The following EYS variants were observed in gnomAD, a reference collection of about 807,000 sequenced individuals.
EYS encodes the protein protein eyes shut homolog.
Under a neutral mutation model 282.1 loss-of-function variants are expected in EYS, and 250 were observed. The ratio of observed to expected loss-of-function variants is 0.89; its 90% CI spans 0.80 to 0.98. EYS has a LOEUF of 0.98. EYS is among the 50% of genes least tolerant of loss of function. The pLI is 0.00. For missense variants in EYS, 4,016 were observed against 3,709.0 expected, an observed-to-expected ratio of 1.08 and a Z score of -2.15; for synonymous variants, 1,355 against 1,282.9, an observed-to-expected ratio of 1.06 and a Z score of -1.20.
chr6:65,513,525 G>A (rs371871315), intron 2 of EYS, among the ~76,000 whole-genome samples: 34 of 152,000 alleles, frequency 2.2e-4, no homozygotes, highest in African/African-American at 7.5e-4. Context: ...GATGAACATT[G>A]ATGCAAAAAT....
chr6:64,499,500 C>G (rs540693062), intron 26 of EYS, among the ~76,000 whole-genome samples: 3 of 152,230 alleles, frequency 2.0e-5, no homozygotes, highest in Admixed American at 1.3e-4. Context: ...CATGCCTGTG[C>G]AATTGAGTGT....
rs1392821039 is a variant in EYS at position 63,864,326 on chromosome 6, C to T, written c.7088G>A (p.Arg2363Lys). 1.3e-6 allele frequency: 2 copies of T among 1,551,316 alleles called. No individual in the cohort carries two copies. Among genetic ancestry groups the T allele is most frequent in the East Asian group, 2.4e-5 (1 of 40,900 alleles). ...CTGGCACAGCTTGCCTGAATACAGC[C>T]TTGGACACTCACAAAACAGATTTTC... Reference protein sequence around the residue: ...DNENLFCECPRLYSGKLCQFA... With the variant: ...DNENLFCECPKLYSGKLCQFA... The change falls in exon 36 of 43, where the codon AGG becomes AAG. Residue 2363 changes from arginine to lysine, a missense_variant. Transcript: ENST00000503581.
chr6:64,629,882 TTTTA>T (rs1316169573), intron 22 of EYS, among the ~76,000 whole-genome samples: 1 of 152,148 alleles, frequency 6.6e-6, no homozygotes, highest in Non-Finnish European at 1.5e-5. Flanking sequence ...TCTACATACC[TTTTA>T]TTTCTTTTCC....
At position 65,201,519 on chromosome 6, in the gene EYS, T is replaced by C. The variant is rs1042315239; in HGVS notation, c.2023+94344A>G. ...GGATGACTAAATTGAAAAATCTTTC[T>C]ACAAATAACGTGGTGAATAATGTCA... On this transcript the variant is annotated intron_variant, in intron 12 of 42. Transcript: ENST00000503581. 4.6e-5 allele frequency among the ~76,000 whole-genome samples: 7 copies of C among 152,298 alleles called. No homozygotes were observed. In the South Asian group the frequency reaches 1.4e-3, roughly 32 times the overall value.
chr6:65,229,271 C>CA (rs5876950), intron 12 of EYS, among the ~76,000 whole-genome samples: 1 of 150,966 alleles, frequency 6.6e-6, no homozygotes, highest in Non-Finnish European at 1.5e-5. Flanking sequence ...GCTAGATAAA[C>CA]AAAAAAGAAA....
intron 31 of EYS, among the ~76,000 whole-genome samples, chr6:64,104,015 G>A (rs1252447404): frequency 1.3e-5 from 2 of 152,058 alleles, no homozygotes; most frequent in Admixed American, 6.6e-5. Flanking sequence ...ATGGGAAACC[G>A]AGGATGAAGA....
intron 36 of EYS, among the ~76,000 whole-genome samples, chr6:63,841,091 G>C (rs550940659): frequency 6.6e-6 from 1 of 152,004 alleles, no homozygotes; most frequent in Admixed American, 6.6e-5. Context: ...CTGTGCTAAC[G>C]GCTCAAATTA....
rs761229979 is a variant in EYS at position 65,405,369 on chromosome 6, T to G, written c.863-2A>C. 8 of 1,517,188 alleles carry G rather than the reference T, an allele frequency of 5.3e-6. No individual in the cohort carries two copies. The Admixed American group carries it at 1.6e-4, about 30-fold the overall frequency. 94.0% of individuals were successfully genotyped at this position (1,517,188 alleles called of 1,614,324 possible). ...TTGCTGACACCTCACAGAATGGACC[T>G]TAAAAAAATCACACACAAGAAAAAA... On this transcript the variant is annotated splice_acceptor_variant, in intron 5 of 42. Coordinates refer to ENST00000503581, the MANE Select transcript of EYS (RefSeq NM_001142800.2). LOFTEE classifies it high-confidence loss of function.
chr6:65,620,381 G>C (rs947973556), intron 2 of EYS, among the ~76,000 whole-genome samples: 3 of 151,984 alleles, frequency 2.0e-5, no homozygotes, highest in Non-Finnish European at 4.4e-5. Flanking sequence ...GTTTGTATTT[G>C]TGTGGGATCG....
intron 31 of EYS, among the ~76,000 whole-genome samples, chr6:64,167,810 C>T (rs1406916151): frequency 6.6e-6 from 1 of 151,606 alleles, no homozygotes; most frequent in African/African-American, 2.4e-5. Context: ...AATATAAATC[C>T]AATAAAAATA....
intron 26 of EYS, among the ~76,000 whole-genome samples, chr6:64,589,323 C>T (rs377694902): frequency 1.4e-4 from 21 of 151,950 alleles, no homozygotes; most frequent in East Asian, 3.8e-4. Context: ...ACCTTTTAAA[C>T]GTTGGGGTAA....
chr6:64,820,132 C>G (rs968265584), intron 21 of EYS, among the ~76,000 whole-genome samples: 2 of 151,836 alleles, frequency 1.3e-5, no homozygotes, highest in Admixed American at 6.6e-5. Context: ...TACTTTATAG[C>G]TATTAAAAAG....
intron 2 of EYS, among the ~76,000 whole-genome samples, chr6:65,619,211 T>C (rs1766362665): frequency 6.6e-6 from 1 of 151,764 alleles, no homozygotes; most frequent in Non-Finnish European, 1.5e-5. Flanking sequence ...CATTTGTTTG[T>C]ATCCTCTTTT....
intron 13 of EYS, among the ~76,000 whole-genome samples, chr6:65,016,065 G>T (rs80030247): frequency 1.8e-5 from 2 of 112,992 alleles, no homozygotes; most frequent in South Asian, 6.1e-4. Context: ...GAAAAGAAAA[G>T]AAAAAGAAAA....
At chr6:64,415,258 T>C (rs1365388648) in intron 28 of EYS, among the ~76,000 whole-genome samples, 1 of 152,226 alleles carries the variant, frequency 6.6e-6, no homozygotes, top group Non-Finnish European at 1.5e-5. Flanking sequence ...CATGTAACTA[T>C]AGGTAAATTC....
chr6:64,909,368 C>A (rs537367250), intron 16 of EYS, among the ~76,000 whole-genome samples: 3 of 152,158 alleles, frequency 2.0e-5, no homozygotes, highest in Non-Finnish European at 4.4e-5. Context: ...ATAATCAAAG[C>A]TAACACTATT....
intron 2 of EYS, among the ~76,000 whole-genome samples, chr6:65,526,714 G>A (rs1767580545): frequency 6.6e-6 from 1 of 152,172 alleles, no homozygotes; most frequent in African/African-American, 2.4e-5. Context: ...GCTGAGGCAG[G>A]GGAATGGCGT....
intron 30 of EYS, among the ~76,000 whole-genome samples, chr6:64,297,444 A>C (rs1178566854): frequency 6.6e-6 from 1 of 152,248 alleles, no homozygotes; most frequent in South Asian, 2.1e-4. Flanking sequence ...CATGTAAAAC[A>C]ACAACCTCAG....
chr6:65,044,810 C>G (rs546211996), intron 13 of EYS, among the ~76,000 whole-genome samples: 64 of 151,714 alleles, frequency 4.2e-4, no homozygotes, highest in Middle Eastern at 3.4e-3. Flanking sequence ...ATTTTGGTAC[C>G]CTTCCTTATG....
Sources: gnomAD v4.1 joint callset for allele counts (sites outside exome capture counted in the v4.1 genomes callset) on GRCh38, gnomAD v4.1.1 for gene constraint, MANE v1.5 for transcripts, NCBI Gene and HGNC (gene_info 2026-07-23, HGNC 2026-07-21) for gene names.